OR9G1: variants seen among roughly 807,000 people sequenced by gnomAD.
OR9G1 encodes the protein olfactory receptor 9G1.
OR9G1 carries 21 observed loss-of-function variants against 14.5 expected under a neutral mutation model. That is an observed-to-expected ratio of 1.45 (90% CI 1.03 to 2.09). The LOEUF (loss-of-function observed/expected upper bound fraction) is 2.09, where lower values mean the gene tolerates loss of function less well. Ranked by LOEUF, OR9G1 falls within the 30% of genes most tolerant of loss-of-function variation. The probability of loss-of-function intolerance (pLI) is 0.00; values close to 1 mark genes in which losing one functional copy is unlikely to be tolerated. For missense variants in OR9G1, 476 were observed against 364.2 expected (o/e 1.31, Z -2.50); for synonymous variants, 179 against 153.3 (o/e 1.17, Z -1.24).
intron 1 of OR9G1, among the ~76,000 whole-genome samples, chr11:56,700,148 A>G (rs1857585720): frequency 6.6e-6 from 1 of 152,310 alleles, no homozygotes. Context: ...TCTTCACTTG[A>G]ACAGTCATTC....
At chr11:56,699,603 A>G (rs1857572558) in intron 1 of OR9G1, among the ~76,000 whole-genome samples, 1 of 151,756 alleles carries the variant, frequency 6.6e-6, no homozygotes, top group African/African-American at 2.4e-5. Context: ...TATGCTAGAT[A>G]TATTTTGCTC....
Position 56,700,824 on chromosome 11 carries a change from T to A in OR9G1, c.437T>A (p.Val146Asp). The A allele has an allele frequency of 6.2e-7, 1 of 1,614,320 alleles. No homozygotes were observed. Among genetic ancestry groups the A allele is most frequent in the South Asian group, 1.1e-5 (1 of 91,092 alleles). The part of the protein sequence containing the change: ...SIKLCALLVA[V>D]SYCGGFINSS... ...AAGCTGTGTGCATTGCTGGTAGCAG[T>A]CTCATATTGTGGTGGCTTTATTAAC... The change falls in exon 2 of 2, where the codon GTC (valine) becomes GAC (aspartate). Residue 146 changes from valine (V) to aspartate (D), a missense_variant. Physicochemically the swap from Val to Asp is radical, Grantham distance 152 (BLOSUM62 -3). Around this residue, in one of 3 missense-constraint regions of OR9G1, gnomAD observed 352 missense variants for 211.6 expected, o/e 1.66. Transcript: ENST00000642097.
In OR9G1 at chr11:56,701,248, G is replaced by C. The variant is rs1554964247; in HGVS notation, c.861G>C (p.Met287Ile). The C allele has an allele frequency of 2.5e-6, 4 of 1,614,182 alleles. No homozygotes were observed. The South Asian group carries it at 3.3e-5, about 13-fold the overall frequency. Residue 287 changes from methionine (M) to isoleucine (I), a missense_variant, in exon 2 of 2, where the codon ATG (methionine) becomes ATC (isoleucine). Transcript: ENST00000642097. ...YTVVFPMLNL[M>I]IYSLRNKDVK... ...TGGTATTCCCCATGTTGAATCTCATGATCTACAGCCTAAGGAATAAGGATG... is the reference window on the plus strand; with the variant it reads ...TGGTATTCCCCATGTTGAATCTCATCATCTACAGCCTAAGGAATAAGGATG...
chr11:56,700,312 C>T, intron 1 of OR9G1, 58 bp from the exon 2 acceptor site: 1 of 1,572,418 alleles, frequency 6.4e-7, no homozygotes, highest in South Asian at 1.2e-5. Flanking sequence ...TCTTATGTAA[C>T]ATAATTCTAC....
At position 56,701,254 on chromosome 11, in the gene OR9G1, C is replaced by A. The variant is rs774801935; in HGVS notation, c.867C>A (p.Tyr289Ter). The A allele has an allele frequency of 3.1e-6, 5 of 1,614,068 alleles. No individual in the cohort carries two copies. In the Admixed American group the frequency reaches 5.0e-5, roughly 16 times the overall value. Reference protein sequence around the residue: ...VVFPMLNLMIYSLRNKDVKEA... With the variant: ...VVFPMLNLMI ...TCCCCATGTTGAATCTCATGATCTA[C>A]AGCCTAAGGAATAAGGATGTGAAAG... The change falls in exon 2 of 2, where the codon TAC (tyrosine) becomes TAA (stop). Residue 289 changes from tyrosine to a stop codon, truncating the protein, a stop_gained. Transcript: ENST00000642097. LOFTEE classifies it high-confidence loss of function.
In OR9G1 at chr11:56,700,352, C is replaced by T; in HGVS notation, c.-18-18C>T. Reference sequence around the variant, plus strand: ...TCATGACAGTAATGCAAACTGAGCTCATTTTCTTTCCCCATAGGTGAGATT... The same window carrying T: ...TCATGACAGTAATGCAAACTGAGCTTATTTTCTTTCCCCATAGGTGAGATT... On this transcript the variant is annotated intron_variant, in intron 1 of 1. Transcript: ENST00000642097. 2 of 1,609,946 alleles carry T rather than the reference C, an allele frequency of 1.2e-6. No individual in the cohort carries two copies. Among genetic ancestry groups the T allele is most frequent in the Non-Finnish European group, 8.5e-7 (1 of 1,177,622 alleles).
At position 56,702,966 on chromosome 11, in the gene OR9G1, C is replaced by T. The variant is rs562462687; in HGVS notation, c.*1661C>T. 6 of 149,376 alleles carry T rather than the reference C, an allele frequency of 4.0e-5. No individual in the cohort carries two copies. The highest frequency in any genetic ancestry group is 2.1e-4 in the South Asian group (1 of 4,658). The allele number at this position is 149,376 out of a possible 1,614,324, so 9.3% of individuals were successfully genotyped here. ...TGAGGTGATGGACATAATAATTAGT[C>T]GAAGATGTTCAATCTACAATGTATA... On this transcript the variant is annotated 3_prime_UTR_variant, in exon 2 of 2. Transcript: ENST00000642097.
Position 56,701,249 on chromosome 11 carries a change from A to G in OR9G1, c.862A>G (p.Ile288Val), listed in dbSNP as rs771613406. 1 of 1,614,206 alleles carries G rather than the reference A, an allele frequency of 6.2e-7. No individual in the cohort carries two copies. Among genetic ancestry groups the G allele is most frequent in the South Asian group, 1.1e-5 (1 of 91,086 alleles). Reference sequence around the variant, plus strand: ...GGTATTCCCCATGTTGAATCTCATGATCTACAGCCTAAGGAATAAGGATGT... The same window carrying G: ...GGTATTCCCCATGTTGAATCTCATGGTCTACAGCCTAAGGAATAAGGATGT... ...TVVFPMLNLM[I>V]YSLRNKDVKE... The change falls in exon 2 of 2, where the codon ATC (isoleucine) becomes GTC (valine). Residue 288 changes from isoleucine (I) to valine (V), a missense_variant. By Grantham distance (29) the Ile-to-Val change is conservative. Coordinates refer to ENST00000642097, the MANE Select transcript of OR9G1 (RefSeq NM_001005213.2).
In OR9G1 at chr11:56,703,323, A is replaced by C. The variant is rs999309519; in HGVS notation, c.*2018A>C. On this transcript the variant is annotated 3_prime_UTR_variant, in exon 2 of 2. Transcript: ENST00000642097. ...GTAAGTGGGTGCAAGAAATAAAATC[A>C]ATGCAAGTTGCAACACACAGTAACA... 1 of 152,290 alleles carries C rather than the reference A, an allele frequency of 6.6e-6. No homozygotes were observed. Among genetic ancestry groups the C allele is most frequent in the African/African-American group, 2.4e-5 (1 of 41,482 alleles). The allele number at this position is 152,290 out of a possible 1,614,324, so 9.4% of individuals were successfully genotyped here.
Position 56,701,434 on chromosome 11 carries a change from G to C in OR9G1, c.*129G>C. The C allele has an allele frequency of 7.9e-7, 1 of 1,263,778 alleles. No homozygotes were observed. The highest frequency in any genetic ancestry group is 1.0e-6 in the Non-Finnish European group (1 of 953,002). The allele number at this position is 1,263,778 out of a possible 1,614,324, so 78.3% of individuals were successfully genotyped here. A position where few individuals can be genotyped will look rare whatever the true frequency, so the allele number is the denominator to read the frequency against. The stretch of plus-strand genomic sequence containing the variant: ...CTTGACACGTGAGAGTTACAGACAT[G>C]TACAATAAGAAAATTAGGAAAATTT... On this transcript the variant is annotated 3_prime_UTR_variant, in exon 2 of 2. Coordinates refer to ENST00000642097, the MANE Select transcript of OR9G1 (RefSeq NM_001005213.2).
At position 56,702,488 on chromosome 11, in the gene OR9G1, G is replaced by A. The variant is rs1437090416; in HGVS notation, c.*1183G>A. 6.6e-6 allele frequency: 1 copy of A among 152,180 alleles called. No individual in the cohort carries two copies. Among genetic ancestry groups the A allele is most frequent in the East Asian group, 1.9e-4 (1 of 5,196 alleles). The allele number at this position is 152,180 out of a possible 1,614,324, so 9.4% of individuals were successfully genotyped here. A position where few individuals can be genotyped will look rare whatever the true frequency, so the allele number is the denominator to read the frequency against. On this transcript the variant is annotated 3_prime_UTR_variant, in exon 2 of 2. Transcript: ENST00000642097. The stretch of plus-strand genomic sequence containing the variant: ...GACCTCTATATTGTTTTTCAAAATG[G>A]CTGTGCTAATGTACATTCCCATCAA...
At position 56,703,562 on chromosome 11, in the gene OR9G1, T is replaced by C. The variant is rs1857680725; in HGVS notation, c.*2257T>C. The C allele has an allele frequency of 2.0e-5, 3 of 152,306 alleles. No individual in the cohort carries two copies. Among genetic ancestry groups the C allele is most frequent in the African/African-American group, 2.4e-5 (1 of 41,488 alleles). 9.4% of individuals were successfully genotyped at this position (152,306 alleles called of 1,614,324 possible). Reference sequence around the variant, plus strand: ...TATATTGCAGTGGCAGTAAATCAATTATTTTATGTTTCTTGACCGAAACTA... The same window carrying C: ...TATATTGCAGTGGCAGTAAATCAATCATTTTATGTTTCTTGACCGAAACTA... On this transcript the variant is annotated 3_prime_UTR_variant, in exon 2 of 2. Coordinates refer to ENST00000642097, the MANE Select transcript of OR9G1 (RefSeq NM_001005213.2).
At position 56,701,203 on chromosome 11, in the gene OR9G1, A is replaced by G. The variant is rs759090041; in HGVS notation, c.816A>G (p.Ile272Met). The G allele has an allele frequency of 1.9e-6, 3 of 1,614,302 alleles. No individual in the cohort carries two copies. Among genetic ancestry groups the G allele is most frequent in the South Asian group, 1.1e-5 (1 of 91,092 alleles). Residue 272 changes from isoleucine (I) to methionine (M), a missense_variant, in exon 2 of 2, where the codon ATA becomes ATG. Transcript: ENST00000642097. ...RSSYSFDMDK[I>M]VSTFYTVVFP... is the part of the protein sequence containing the mutation. ...GCTATTCTTTTGATATGGACAAAATAGTTTCTACATTTTACACTGTGGTAT... is the reference window on the plus strand; with the variant it reads ...GCTATTCTTTTGATATGGACAAAATGGTTTCTACATTTTACACTGTGGTAT...
In OR9G1 at chr11:56,703,015, A is replaced by T. The variant is rs181968729; in HGVS notation, c.*1710A>T. 2.5e-3 allele frequency: 55 copies of T among 21,660 alleles called. 1 individual carries two copies. Among genetic ancestry groups the T allele is most frequent in the Admixed American group, 0.023 (51 of 2,262 alleles). 1.3% of individuals were successfully genotyped at this position (21,660 alleles called of 1,614,324 possible). On this transcript the variant is annotated 3_prime_UTR_variant, in exon 2 of 2. Transcript: ENST00000642097. ...TACATGTACTGAAGCATTGTCTTTTACCCCATACATATATAAAATTATGGT... is the reference window on the plus strand; with the variant it reads ...TACATGTACTGAAGCATTGTCTTTTTCCCCATACATATATAAAATTATGGT...
rs1237676497 is a variant in OR9G1, at chr11:56,702,008, T to C, written c.*703T>C. ...TGACCTTCTGAGCATCAAAGGGCAA[T>C]TATCATCATTTAAAAAATAATTATT... is the stretch of plus-strand genomic sequence containing the variant. On this transcript the variant is annotated 3_prime_UTR_variant, in exon 2 of 2. Coordinates refer to ENST00000642097, the MANE Select transcript of OR9G1 (RefSeq NM_001005213.2). 1 of 152,310 alleles carries C rather than the reference T, an allele frequency of 6.6e-6. No individual in the cohort carries two copies. The highest frequency in any genetic ancestry group is 6.5e-5 in the Admixed American group (1 of 15,294). The allele number at this position is 152,310 out of a possible 1,614,324, so 9.4% of individuals were successfully genotyped here. A position where few individuals can be genotyped will look rare whatever the true frequency, so the allele number is the denominator to read the frequency against.
intron 1 of OR9G1, among the ~76,000 whole-genome samples, chr11:56,699,816 T>A (rs73474893): frequency 6.6e-6 from 1 of 152,132 alleles, no homozygotes; most frequent in Non-Finnish European, 1.5e-5. Flanking sequence ...TTCATCATTG[T>A]ATATCATTCT....
rs1428459995 is a variant in OR9G1 at position 56,703,528 on chromosome 11, C to G, written c.*2223C>G. On this transcript the variant is annotated 3_prime_UTR_variant, in exon 2 of 2. Transcript: ENST00000642097. ...CATTTTTTAAAGTAATGTTAACAGA[C>G]TCAATTAGTATATTGCAGTGGCAGT... The G allele has an allele frequency of 6.6e-6, 1 of 152,240 alleles. No homozygotes were observed. The highest frequency in any genetic ancestry group is 1.9e-4 in the East Asian group (1 of 5,204). 9.4% of individuals were successfully genotyped at this position (152,240 alleles called of 1,614,324 possible). A position where few individuals can be genotyped will look rare whatever the true frequency, so the allele number is the denominator to read the frequency against.
chr11:56,700,547 C>G lies in OR9G1; in HGVS notation c.160C>G (p.Leu54Val), dbSNP rs746649068. Residue 54 changes from leucine (L) to valine (V), a missense_variant, in exon 2 of 2, where the codon CTC becomes GTC. Leu to Val is a conservative substitution (Grantham distance 32). Transcript: ENST00000642097. ...LIVLICNDSC[L>V]HTPMYFFTGN... is the part of the protein sequence containing the mutation. The stretch of plus-strand genomic sequence containing the variant: ...CGTGTTGATCTGTAATGACTCCTGC[C>G]TCCACACACCCATGTATTTTTTCAC... 76 of 1,614,168 alleles carry G rather than the reference C, an allele frequency of 4.7e-5. No homozygotes were observed. Among genetic ancestry groups the G allele is most frequent in the Non-Finnish European group, 5.1e-6 (6 of 1,180,058 alleles).
At position 56,701,515 on chromosome 11, in the gene OR9G1, T is replaced by G. The variant is rs1477859041; in HGVS notation, c.*210T>G. ...TGAATTGAATTTCCTATCTCTCTTATTAAAAACAAACATAAACCTTAAGCC... is the reference window on the plus strand; with the variant it reads ...TGAATTGAATTTCCTATCTCTCTTAGTAAAAACAAACATAAACCTTAAGCC... On this transcript the variant is annotated 3_prime_UTR_variant, in exon 2 of 2. Coordinates refer to ENST00000642097, the MANE Select transcript of OR9G1 (RefSeq NM_001005213.2). 3.9e-6 allele frequency: 3 copies of G among 774,412 alleles called. No homozygotes were observed. The highest frequency in any genetic ancestry group is 3.8e-6 in the Non-Finnish European group (2 of 522,586). 48.0% of individuals were successfully genotyped at this position (774,412 alleles called of 1,614,324 possible).
Sources: allele counts gnomAD v4.1 joint callset (sites outside exome capture counted in the v4.1 genomes callset), GRCh38; gene constraint gnomAD v4.1.1; regional missense constraint gnomAD v4.1.1; transcripts MANE v1.5; gene names NCBI Gene and HGNC (gene_info 2026-07-23, HGNC 2026-07-21).